The following PPP2R2C variants were observed in gnomAD, a reference collection of about 807,000 sequenced individuals.
PPP2R2C encodes protein phosphatase 2 regulatory subunit Bgamma, also known as protein phosphatase 2, regulatory subunit B, gamma.
Under a neutral mutation model 45.3 loss-of-function variants are expected in PPP2R2C, and 10 were observed. That is an observed-to-expected ratio of 0.22 (90% CI 0.14 to 0.37). The LOEUF is 0.37. Among genes scored for constraint, PPP2R2C ranks in the 10% least tolerant of loss-of-function variants. The probability of loss-of-function intolerance (pLI) is 1.00; values close to 1 mark genes in which losing one functional copy is unlikely to be tolerated. For synonymous variants in PPP2R2C, 257 were observed against 245.4 expected (o/e 1.05, Z -0.44); for missense variants, 308 against 619.7 (o/e 0.50, Z 5.34).
At chr4:6,333,835 C>T in intron 6 of PPP2R2C, 104 bp from the exon 7 acceptor site, 1 of 1,236,440 alleles carries the variant, frequency 8.1e-7, no homozygotes, top group Middle Eastern at 2.3e-4. Context: ...TCTGTTTATT[C>T]AGTCATTCAT....
chr4:6,382,896 C>T (rs1715953488), intron 1 of PPP2R2C: 3 of 1,089,648 alleles, frequency 2.8e-6, no homozygotes, highest in Non-Finnish European at 3.4e-6. Context: ...TGCTCAAAAC[C>T]CTCCAGCGGC....
At chr4:6,438,407 C>G (rs1242795872) in intron 1 of PPP2R2C, among the ~76,000 whole-genome samples, 1 of 152,178 alleles carries the variant, frequency 6.6e-6, no homozygotes, top group African/African-American at 2.4e-5. Flanking sequence ...TCCCTGCGCA[C>G]CTACCTCTTA....
At position 6,534,675 on chromosome 4, in the gene PPP2R2C, A is replaced by C. The variant is rs143824088; in HGVS notation, c.49+596T>G. 8.0e-3 allele frequency among the ~76,000 whole-genome samples: 1,207 copies of C among 151,288 alleles called. 15 individuals are homozygous for C. The highest frequency in any genetic ancestry group is 0.027 in the African/African-American group (1,099 of 41,144). On this transcript the variant is annotated intron_variant, in intron 2 of 9. Coordinates refer to the PPP2R2C transcript ENST00000506140. ...CCCAAAGAGATACACACCAACACAC[A>C]CCCCCCAACACGCACGGCCCGCACA... is the stretch of plus-strand genomic sequence containing the variant.
chr4:6,511,318 G>A (rs1227368155), intron 2 of PPP2R2C, among the ~76,000 whole-genome samples: 1 of 151,648 alleles, frequency 6.6e-6, no homozygotes, highest in Non-Finnish European at 1.5e-5. Context: ...GGTATTGATG[G>A]TGGTGATGAT....
intron 1 of PPP2R2C, chr4:6,413,875 C>G: frequency 6.5e-7 from 1 of 1,536,078 alleles, no homozygotes; most frequent in Non-Finnish European, 8.7e-7. Flanking sequence ...CCTCCCAACT[C>G]TCATGATGCC....
At chr4:6,422,965 C>G (rs746235284) in intron 1 of PPP2R2C, among the ~76,000 whole-genome samples, 6 of 152,156 alleles carry the variant, frequency 3.9e-5, no homozygotes, top group Non-Finnish European at 5.9e-5. Flanking sequence ...GCCATATATT[C>G]TACATGCACC....
intron 1 of PPP2R2C, among the ~76,000 whole-genome samples, chr4:6,560,051 G>C (rs1032030160): frequency 6.6e-6 from 1 of 152,262 alleles, no homozygotes; most frequent in Non-Finnish European, 1.5e-5. Flanking sequence ...GTCCCTTAAG[G>C]TGTTGGGGGA....
At chr4:6,409,469 C>T (rs547722053) in intron 1 of PPP2R2C, among the ~76,000 whole-genome samples, 9 of 152,302 alleles carry the variant, frequency 5.9e-5, no homozygotes, top group East Asian at 1.9e-4. Context: ...GAGAACCCCA[C>T]GCCCCAAATA....
chr4:6,345,379 C>G lies in PPP2R2C; in HGVS notation c.790+2467G>C, dbSNP rs1711763041. ...GAGACGGCTGCGTCCTGATCCCTAG[C>G]ACCTGTGACTATGTTATGCTACACG... On this transcript the variant is annotated intron_variant, in intron 6 of 8. Transcript: ENST00000382599. This position sits in a 1 kb window ranked among gnomAD's most constrained non-coding sequence, Gnocchi z 5.3. Among the ~76,000 whole-genome samples the G allele has an allele frequency of 6.6e-6, 1 of 152,122 alleles. No homozygotes were observed. Among genetic ancestry groups the G allele is most frequent in the Admixed American group, 6.6e-5 (1 of 15,258 alleles).
chr4:6,444,875 T>C (rs1470531744), intron 1 of PPP2R2C, among the ~76,000 whole-genome samples: 2 of 152,172 alleles, frequency 1.3e-5, no homozygotes, highest in South Asian at 2.1e-4. Flanking sequence ...TTCACATCCA[T>C]GGCCCAGTGC....
rs10937729 is a variant in PPP2R2C at position 6,450,913 on chromosome 4, G to A, written c.70+21247C>T. ...GTGCCCTTCCCACACCTCCATCGGC[G>A]GACACTTCAGCCCCACAGTCTGGAA... On this transcript the variant is annotated intron_variant, in intron 1 of 8. Transcript: ENST00000382599. Among the ~76,000 whole-genome samples, 7 of 152,020 alleles carry A rather than the reference G, an allele frequency of 4.6e-5. No homozygotes were observed. The South Asian group carries it at 8.3e-4, about 18-fold the overall frequency.
chr4:6,462,354 A>G (rs1383283573), intron 1 of PPP2R2C, among the ~76,000 whole-genome samples: 1 of 152,210 alleles, frequency 6.6e-6, no homozygotes, highest in African/African-American at 2.4e-5. Flanking sequence ...GGGCACCTGT[A>G]TGTAGTCCCA....
At chr4:6,528,354 G>A (rs10024848) in intron 2 of PPP2R2C, among the ~76,000 whole-genome samples, 39,260 of 152,164 alleles carry the variant, frequency 0.26, 5,908 homozygotes, top group Middle Eastern at 0.4. Flanking sequence ...CTGTGCTCAG[G>A]CCCAGGCAAG....
intron 1 of PPP2R2C, among the ~76,000 whole-genome samples, chr4:6,559,365 C>G (rs370811139): frequency 1.6e-4 from 25 of 151,808 alleles, no homozygotes; most frequent in African/African-American, 6.1e-4. Context: ...CAGAAGTGCC[C>G]AATAAATGGC....
intron 5 of PPP2R2C, among the ~76,000 whole-genome samples, chr4:6,362,649 C>T (rs1297480071): frequency 2.0e-5 from 3 of 152,220 alleles, no homozygotes; most frequent in African/African-American, 7.2e-5. Context: ...CCTCTCAGTG[C>T]CCATCTCCAC....
At chr4:6,396,195 T>C (rs1173998116) in intron 1 of PPP2R2C, among the ~76,000 whole-genome samples, 1 of 152,166 alleles carries the variant, frequency 6.6e-6, no homozygotes, top group Admixed American at 6.5e-5. Context: ...CTGTGCCTGG[T>C]GGACTCCAGG....
At chr4:6,494,227 A>T (rs931403676) in intron 2 of PPP2R2C, among the ~76,000 whole-genome samples, 15 of 152,156 alleles carry the variant, frequency 9.9e-5, no homozygotes, top group African/African-American at 3.4e-4. Context: ...GCCCTGCAGT[A>T]TCTAGAAACA....
chr4:6,473,140 G>T (rs1255288424), upstream of PPP2R2C, among the ~76,000 whole-genome samples: 4 of 152,120 alleles, frequency 2.6e-5, no homozygotes, highest in African/African-American at 9.7e-5. Context: ...AGGCAAAACT[G>T]GATGAAATGG....
rs1316789237 is a variant in PPP2R2C, at chr4:6,563,157, G to GC, written c.-59+402_-59+403insG. ...GCCCGCACCTTCAGCCGGGCAGCGAGGGGGGGCTCGAGCGCGCCGGTTCTC... is the reference window on the plus strand; with the variant it reads ...GCCCGCACCTTCAGCCGGGCAGCGAGCGGGGGGCTCGAGCGCGCCGGTTCTC... On this transcript the variant is annotated intron_variant, in intron 1 of 9. Coordinates refer to the PPP2R2C transcript ENST00000506140. The surrounding 1 kb of genome is among the most constrained non-coding windows in gnomAD (Gnocchi z 5.8). Among the ~76,000 whole-genome samples, 1 of 152,116 alleles carries GC rather than the reference G, an allele frequency of 6.6e-6. No homozygotes were observed. Among genetic ancestry groups the GC allele is most frequent in the East Asian group, 1.9e-4 (1 of 5,162 alleles).
Sources: gnomAD v4.1 joint callset for allele counts (sites outside exome capture counted in the v4.1 genomes callset) on GRCh38, gnomAD v4.1.1 for gene constraint, Gnocchi (gnomAD v3.1) non-coding constraint, MANE v1.5 for transcripts, NCBI Gene and HGNC (gene_info 2026-07-23, HGNC 2026-07-21) for gene names.